The following ABTB2 variants were observed in gnomAD, a reference collection of about 807,000 sequenced individuals.
ABTB2 encodes ankyrin repeat and BTB domain containing 2.
ABTB2 carries 56 observed loss-of-function variants against 104.1 expected under a neutral mutation model. The observed-to-expected ratio is 0.54, with a 90% CI of 0.43 to 0.67. The LOEUF (loss-of-function observed/expected upper bound fraction) is 0.67, where lower values mean the gene tolerates loss of function less well. Among genes scored for constraint, ABTB2 ranks in the 30% least tolerant of loss-of-function variants. The pLI is 0.00. For synonymous variants in ABTB2, 606 were observed against 608.2 expected (o/e 1.00, Z 0.05); for missense variants, 1,279 against 1,407.7 (o/e 0.91, Z 1.46).
At chr11:34,181,933 G>T (rs1485773752) in intron 3 of ABTB2, among the ~76,000 whole-genome samples, 1 of 152,186 alleles carries the variant, frequency 6.6e-6, no homozygotes, top group Non-Finnish European at 1.5e-5. Flanking sequence ...GGGTTGAATG[G>T]GGTCACATCC....
chr11:34,280,644 C>T (rs1047812154), intron 1 of ABTB2, among the ~76,000 whole-genome samples: 11 of 152,152 alleles, frequency 7.2e-5, no homozygotes, highest in East Asian at 3.9e-4. Context: ...TCAGTAATAA[C>T]GGACAATCTC....
intron 7 of ABTB2, among the ~76,000 whole-genome samples, 180 bp downstream of exon 7, chr11:34,167,079 C>G (rs1852811443): frequency 6.6e-6 from 1 of 152,256 alleles, no homozygotes; most frequent in African/African-American, 2.4e-5. Context: ...GCACTAACCC[C>G]TTTCCTTGAG....
chr11:34,338,462 C>T (rs1007011888), intron 1 of ABTB2, among the ~76,000 whole-genome samples: 5 of 150,820 alleles, frequency 3.3e-5, no homozygotes, highest in African/African-American at 9.8e-5. Context: ...TTTGGGAGGT[C>T]GAGGTGGGTA....
intron 1 of ABTB2, among the ~76,000 whole-genome samples, 155 bp from the exon 2 acceptor site, chr11:34,204,845 C>G (rs540660785): frequency 1.3e-5 from 2 of 152,306 alleles, no homozygotes; most frequent in South Asian, 4.1e-4. Context: ...GACTTGAGAA[C>G]TTTGACTGTG....
intron 14 of ABTB2, among the ~76,000 whole-genome samples, chr11:34,155,147 C>T (rs981339820): frequency 2.6e-5 from 4 of 152,250 alleles, no homozygotes; most frequent in South Asian, 2.1e-4. Flanking sequence ...GCAGGGCTCT[C>T]GCATCATGCC....
chr11:34,230,588 A>C (rs1317619692), intron 1 of ABTB2, among the ~76,000 whole-genome samples: 1 of 152,052 alleles, frequency 6.6e-6, no homozygotes. Context: ...CAGTCCCTAA[A>C]TGCTGATGGC....
At chr11:34,260,367 C>T (rs1257626099) in intron 1 of ABTB2, among the ~76,000 whole-genome samples, 1 of 152,210 alleles carries the variant, frequency 6.6e-6, no homozygotes, top group African/African-American at 2.4e-5. Context: ...AAAGTACCTG[C>T]ACTCTGCAGG....
chr11:34,275,660 C>T (rs1450488039), intron 1 of ABTB2, among the ~76,000 whole-genome samples: 2 of 152,194 alleles, frequency 1.3e-5, no homozygotes, highest in African/African-American at 2.4e-5. Context: ...GTGCTTCCCT[C>T]GAGATCATTT....
intron 7 of ABTB2, among the ~76,000 whole-genome samples, chr11:34,166,783 G>GGCTT (rs941478499): frequency 6.6e-6 from 1 of 152,212 alleles, no homozygotes; most frequent in African/African-American, 2.4e-5. Context: ...GGCAACCTGT[G>GGCTT]GCTTGGCTCG....
chr11:34,331,220 T>A (rs1458385198), intron 1 of ABTB2, among the ~76,000 whole-genome samples: 1 of 152,180 alleles, frequency 6.6e-6, no homozygotes, highest in East Asian at 1.9e-4. Context: ...GGAGGCATTT[T>A]AAAAAGCATA....
rs1852941294 is a variant in ABTB2 at position 34,174,876 on chromosome 11, TGCCTGTTCCCA to T, written c.1245-1580_1245-1570del. Reference sequence around the variant, plus strand: ...GCCCAAAAGTCAGCCTCCCGGCTCCTGCCTGTTCCCAGCCCTTCCCGATGCCACTCTTGTCC... The same window carrying T: ...GCCCAAAAGTCAGCCTCCCGGCTCCTGCCCTTCCCGATGCCACTCTTGTCC... On this transcript the variant is annotated intron_variant, in intron 3 of 16. Transcript: ENST00000435224. 1.7e-4 allele frequency among the ~76,000 whole-genome samples: 26 copies of T among 152,398 alleles called. No individual in the cohort carries two copies. The South Asian group carries it at 5.4e-3, about 32-fold the overall frequency.
At chr11:34,319,920 G>A (rs1338153281) in intron 1 of ABTB2, among the ~76,000 whole-genome samples, 4 of 152,132 alleles carry the variant, frequency 2.6e-5, no homozygotes, top group South Asian at 2.1e-4. Context: ...CACCCACCTC[G>A]GCCTCCCAAA....
At chr11:34,322,368 G>A (rs1855014730) in intron 1 of ABTB2, among the ~76,000 whole-genome samples, 1 of 152,144 alleles carries the variant, frequency 6.6e-6, no homozygotes, top group Admixed American at 6.5e-5. Flanking sequence ...TTGAGGTCAG[G>A]AGTTCGAGAC....
chr11:34,173,323 G>C lies in ABTB2; in HGVS notation c.1245-16C>G, dbSNP rs1433627243. The C allele has an allele frequency of 1.3e-6, 2 of 1,574,818 alleles. No individual in the cohort carries two copies. The highest frequency in any genetic ancestry group is 2.3e-5 in the South Asian group (2 of 86,026). ...CATGAAGGGCCTGTGGGGCAGCAGA[G>C]AGAGGGTCAGGCCTGGGGTGGGGTC... On this transcript the variant is annotated splice_polypyrimidine_tract_variant and intron_variant, in intron 3 of 16. Coordinates refer to ENST00000435224, the MANE Select transcript of ABTB2 (RefSeq NM_145804.3).
At chr11:34,270,751 A>G (rs1403684233) in intron 1 of ABTB2, among the ~76,000 whole-genome samples, 1 of 152,198 alleles carries the variant, frequency 6.6e-6, no homozygotes, top group Non-Finnish European at 1.5e-5. Context: ...TTGCCTATCT[A>G]GAGGGGGCAG....
At chr11:34,173,015 G>C (rs939033305) in intron 4 of ABTB2, 140 bp downstream of exon 4, 3 of 1,061,666 alleles carry the variant, frequency 2.8e-6, no homozygotes, top group Non-Finnish European at 4.0e-6. Flanking sequence ...CTTTGCAGAG[G>C]ACACCCTTAG....
chr11:34,186,484 T>G (rs1385791563), intron 3 of ABTB2, among the ~76,000 whole-genome samples: 1 of 152,132 alleles, frequency 6.6e-6, no homozygotes, highest in Admixed American at 6.5e-5. Context: ...ATCAATTCCC[T>G]TTAGAGTTGG....
rs142906426 is a variant in ABTB2, at chr11:34,198,652, G to T, written c.1031-1114C>A. 1.8e-4 allele frequency among the ~76,000 whole-genome samples: 27 copies of T among 152,304 alleles called. 1 individual carries two copies. In the East Asian group the frequency reaches 4.6e-3, roughly 26 times the overall value. Reference sequence around the variant, plus strand: ...CATGGACTTCACTGTGAGCTGGGCTGCAGCCTGCCCTGCTGGAGTCTGTGG... The same window carrying T: ...CATGGACTTCACTGTGAGCTGGGCTTCAGCCTGCCCTGCTGGAGTCTGTGG... On this transcript the variant is annotated intron_variant, in intron 2 of 16. Transcript: ENST00000435224.
chr11:34,250,805 C>T (rs564614675), intron 1 of ABTB2, among the ~76,000 whole-genome samples: 2 of 152,186 alleles, frequency 1.3e-5, no homozygotes, highest in African/African-American at 4.8e-5. Context: ...TGAGATCCTA[C>T]CAGGTGTGTA....
Sources: allele counts gnomAD v4.1 joint callset (sites outside exome capture counted in the v4.1 genomes callset), GRCh38; gene constraint gnomAD v4.1.1; transcripts MANE v1.5; gene names NCBI Gene and HGNC (gene_info 2026-07-23, HGNC 2026-07-21).